ZBP1: variants seen among roughly 807,000 people sequenced by gnomAD.
ZBP1 encodes the protein Z-DNA-binding protein 1.
A neutral mutation model predicts 41.1 loss-of-function variants in ZBP1; 42 were observed. That is an observed-to-expected ratio of 1.02 (90% CI 0.80 to 1.32). The LOEUF is 1.32. Among genes scored for constraint, ZBP1 ranks in the 40% most tolerant of loss-of-function variants. The pLI is 0.00. For synonymous variants in ZBP1, 214 were observed against 205.2 expected (o/e 1.04, Z -0.37); for missense variants, 562 against 549.7 (o/e 1.02, Z -0.22).
intron 4 of ZBP1, among the ~76,000 whole-genome samples, chr20:57,614,321 G>A (rs1231755244): frequency 2.6e-5 from 4 of 152,142 alleles, no homozygotes; most frequent in East Asian, 1.9e-4. Flanking sequence ...GTGAGCAACC[G>A]TGCCTGGCCC....
chr20:57,604,902 T>A, intron 7 of ZBP1, 133 bp from the exon 8 acceptor site: 1 of 872,386 alleles, frequency 1.1e-6, no homozygotes, highest in Non-Finnish European at 1.8e-6. Context: ...GTACAAAGTC[T>A]TGAACAGGGA....
rs764079652 is a variant in ZBP1 at position 57,604,619 on chromosome 20, A to G, written c.1244T>C (p.Val415Ala). 5.6e-6 allele frequency: 9 copies of G among 1,614,016 alleles called. No individual in the cohort carries two copies. The highest frequency in any genetic ancestry group is 7.6e-6 in the Non-Finnish European group (9 of 1,180,024). Residue 415 changes from valine (V) to alanine (A), a missense_variant, in exon 8 of 8, where the codon GTG (valine) becomes GCG (alanine). Val to Ala is a moderately conservative substitution (Grantham distance 64). Coordinates refer to ENST00000371173, the MANE Select transcript of ZBP1 (RefSeq NM_030776.3). ...SHKAAEGSHY[V>A]DEASHEGSWW... ...GCTCCCCTCGTGTGAGGCTTCATCCACATAGTGGCTGCCTTCTGCAGCTTT... is the reference window on the plus strand; with the variant it reads ...GCTCCCCTCGTGTGAGGCTTCATCCGCATAGTGGCTGCCTTCTGCAGCTTT...
At chr20:57,609,735 A>C (rs530409951) in intron 7 of ZBP1, among the ~76,000 whole-genome samples, 2 of 152,014 alleles carry the variant, frequency 1.3e-5, no homozygotes, top group African/African-American at 4.8e-5. Context: ...CCTTATTTGC[A>C]TGGCAACCCA....
intron 7 of ZBP1, 34 bp from the exon 8 acceptor site, chr20:57,604,803 G>A (rs368798376): frequency 3.0e-4 from 477 of 1,596,660 alleles, no homozygotes; most frequent in Non-Finnish European, 3.8e-4. Context: ...CAGCTTCATG[G>A]GCACGTGGCC....
intron 7 of ZBP1, chr20:57,607,028 A>G: frequency 7.8e-7 from 1 of 1,283,098 alleles, no homozygotes; most frequent in Non-Finnish European, 1.0e-6. Context: ...TCTGCAGCCC[A>G]TGGATTAAGG....
intron 1 of ZBP1, chr20:57,616,692 G>C: frequency 1.8e-6 from 1 of 560,668 alleles, no homozygotes; most frequent in Non-Finnish European, 3.2e-6. Context: ...TGGCTGCGCA[G>C]CCTGGTGGCC....
chr20:57,616,261 A>C lies in ZBP1; in HGVS notation c.242T>G (p.Leu81Arg), dbSNP rs1182994270. 6.2e-7 allele frequency: 1 copy of C among 1,614,028 alleles called. No individual in the cohort carries two copies. The highest frequency in any genetic ancestry group is 8.5e-7 in the Non-Finnish European group (1 of 1,179,976). Residue 81 changes from leucine (L) to arginine (R), a missense_variant, in exon 2 of 8, where the codon CTG (leucine) becomes CGG (arginine). Transcript: ENST00000371173. ...TDPEGEGPAE[L>R]ALSSPAERPQ... Reference sequence around the variant, plus strand: ...GCAGTTACCAGGGCTGGACAAGGCCAGCTCTGCAGGACCCTCGCCTTCAGG... The same window carrying C: ...GCAGTTACCAGGGCTGGACAAGGCCCGCTCTGCAGGACCCTCGCCTTCAGG...
At chr20:57,611,593 C>G (rs1600732274) in intron 6 of ZBP1, 134 bp downstream of exon 6, 1 of 1,041,272 alleles carries the variant, frequency 9.6e-7, no homozygotes, top group East Asian at 2.6e-5. Flanking sequence ...CTGCTCTACT[C>G]TGGTTCAGCT....
In ZBP1 at chr20:57,613,282, T is replaced by C. The variant is rs757197054; in HGVS notation, c.551A>G (p.Asn184Ser). The C allele has an allele frequency of 1.3e-5, 21 of 1,614,142 alleles. No homozygotes were observed. The East Asian group carries it at 3.1e-4, about 24-fold the overall frequency. ...ATTCTGGCAGATCATGTTGATTGGA[T>C]TGTGCTGGTAAATAATTGAGGCTGA... The part of the protein sequence containing the change: ...AKSASIIYQH[N>S]PINMICQNGP... The change falls in exon 5 of 8, where the codon AAT becomes AGT. Residue 184 changes from asparagine (N) to serine (S), a missense_variant. Coordinates refer to ENST00000371173, the MANE Select transcript of ZBP1 (RefSeq NM_030776.3). This position sits in a 1 kb window ranked among gnomAD's most constrained non-coding sequence, Gnocchi z 4.5.
chr20:57,610,489 G>A lies in ZBP1; in HGVS notation c.875-122C>T. On this transcript the variant is annotated intron_variant, in intron 6 of 7. Coordinates refer to ENST00000371173, the MANE Select transcript of ZBP1 (RefSeq NM_030776.3). The surrounding 1 kb of genome is among the most constrained non-coding windows in gnomAD (Gnocchi z 5.5). ...CCCACCAGTGGCCCACACCATCCCA[G>A]GAGCACAGCCTGTGCCTGCCCGCCA... 2.0e-6 allele frequency: 2 copies of A among 1,004,044 alleles called. No individual in the cohort carries two copies. The highest frequency in any genetic ancestry group is 3.0e-5 in the South Asian group (2 of 66,426). The allele number at this position is 1,004,044 out of a possible 1,614,324, so 62.2% of individuals were successfully genotyped here.
rs764621834 is a variant in ZBP1, at chr20:57,613,149, C to A, written c.670+14G>T. On this transcript the variant is annotated intron_variant, in intron 5 of 7. Transcript: ENST00000371173. The surrounding 1 kb of genome is among the most constrained non-coding windows in gnomAD (Gnocchi z 4.5). ...CACCGAGGTCCCCTCCCTGGGCTCT[C>A]TTGGGTGACTTACCGTCCTCCCTGG... 1 of 1,614,140 alleles carries A rather than the reference C, an allele frequency of 6.2e-7. No homozygotes were observed. The highest frequency in any genetic ancestry group is 1.7e-5 in the Admixed American group (1 of 60,018).
Position 57,613,969 on chromosome 20 carries a change from C to G in ZBP1, c.503-639G>C, listed in dbSNP as rs1186264451. Among the ~76,000 whole-genome samples the G allele has an allele frequency of 6.6e-6, 1 of 152,212 alleles. No individual in the cohort carries two copies. The highest frequency in any genetic ancestry group is 1.5e-5 in the Non-Finnish European group (1 of 68,042). On this transcript the variant is annotated intron_variant, in intron 4 of 7. Coordinates refer to ENST00000371173, the MANE Select transcript of ZBP1 (RefSeq NM_030776.3). This position sits in a 1 kb window ranked among gnomAD's most constrained non-coding sequence, Gnocchi z 4.5. ...TCCTGTGCCTTTGTGGGCCCTTCCC[C>G]CATACACAAATATTTAAATTACATT...
At chr20:57,620,135 T>C in intron 1 of ZBP1, 127 bp downstream of exon 1, 1 of 1,177,898 alleles carries the variant, frequency 8.5e-7, no homozygotes, top group Non-Finnish European at 1.2e-6. Flanking sequence ...CACGCCCAGC[T>C]GGTCTACTAT....
At chr20:57,612,958 G>T in intron 5 of ZBP1, 1 of 1,419,330 alleles carries the variant, frequency 7.0e-7, no homozygotes, top group Non-Finnish European at 9.2e-7. Context: ...GAAAGTATCA[G>T]AGTACAGGGA....
rs774084571 is a variant in ZBP1, at chr20:57,613,136, C to A, written c.670+27G>T. On this transcript the variant is annotated intron_variant, in intron 5 of 7. Coordinates refer to ENST00000371173, the MANE Select transcript of ZBP1 (RefSeq NM_030776.3). The surrounding 1 kb of genome is among the most constrained non-coding windows in gnomAD (Gnocchi z 4.5). ...TCCGGTGGCTCCCCACCGAGGTCCC[C>A]TCCCTGGGCTCTCTTGGGTGACTTA... 1 of 1,614,050 alleles carries A rather than the reference C, an allele frequency of 6.2e-7. No homozygotes were observed. The highest frequency in any genetic ancestry group is 8.5e-7 in the Non-Finnish European group (1 of 1,179,966).
At chr20:57,606,714 ACT>A (rs530075510) in intron 7 of ZBP1, among the ~76,000 whole-genome samples, 114 of 152,092 alleles carry the variant, frequency 7.5e-4, no homozygotes, top group African/African-American at 2.7e-3. Context: ...TGCTAAATCG[ACT>A]CTGCCTATGT....
intron 1 of ZBP1, among the ~76,000 whole-genome samples, chr20:57,619,748 G>T (rs946118565): frequency 7.2e-5 from 11 of 152,118 alleles, no homozygotes; most frequent in African/African-American, 2.7e-4. Flanking sequence ...TGTCCCTGCA[G>T]GCCATCAGGA....
In ZBP1 at chr20:57,604,377, C is replaced by A. The variant is rs761213077; in HGVS notation, c.*196G>T. 1.4e-6 allele frequency: 1 copy of A among 725,812 alleles called. No individual in the cohort carries two copies. The highest frequency in any genetic ancestry group is 1.5e-5 in the South Asian group (1 of 67,680). 45.0% of individuals were successfully genotyped at this position (725,812 alleles called of 1,614,324 possible). On this transcript the variant is annotated 3_prime_UTR_variant, in exon 8 of 8. Transcript: ENST00000371173. ...GTTCCCCAAGGCAACTCCCTGTCATCTACTCCTGGCCATCAAAAGACCTGG... is the reference window on the plus strand; with the variant it reads ...GTTCCCCAAGGCAACTCCCTGTCATATACTCCTGGCCATCAAAAGACCTGG...
rs185902324 is a variant in ZBP1 at position 57,613,546 on chromosome 20, C to T, written c.503-216G>A. 7.9e-5 allele frequency among the ~76,000 whole-genome samples: 12 copies of T among 152,294 alleles called. No homozygotes were observed. The highest frequency in any genetic ancestry group is 7.8e-4 in the Admixed American group (12 of 15,308). On this transcript the variant is annotated intron_variant, in intron 4 of 7. Coordinates refer to ENST00000371173, the MANE Select transcript of ZBP1 (RefSeq NM_030776.3). The surrounding 1 kb of genome is among the most constrained non-coding windows in gnomAD (Gnocchi z 4.5). ...ACTTGAAAATAGCCACTGTGAGTCA[C>T]CCTACCTGTGTCTTTTGCTGCCTCC...
Sources: gnomAD v4.1 joint callset for allele counts (sites outside exome capture counted in the v4.1 genomes callset) on GRCh38, gnomAD v4.1.1 for gene constraint, Gnocchi (gnomAD v3.1) non-coding constraint, MANE v1.5 for transcripts, NCBI Gene and HGNC (gene_info 2026-07-23, HGNC 2026-07-21) for gene names.